REDIC1: variants seen among roughly 807,000 people sequenced by gnomAD.
The protein encoded by REDIC1 is HEI10 Interacting Protein 1.
At chr12:39,782,880 A>G in the REDIC1 span, among the ~76,000 whole-genome samples, 1 of 151,978 alleles carries the variant, frequency 6.6e-6, no homozygotes, top group South Asian at 2.1e-4. Context: ...TATTATTATT[A>G]TTTTTTATAC....
the REDIC1 span, among the ~76,000 whole-genome samples, chr12:39,803,262 A>G: frequency 6.6e-6 from 1 of 151,884 alleles, no homozygotes; most frequent in Non-Finnish European, 1.5e-5. Context: ...GCTGCACAGG[A>G]TTGCCACAGA....
chr12:39,732,010 C>G, the REDIC1 span, among the ~76,000 whole-genome samples: 1 of 152,196 alleles, frequency 6.6e-6, no homozygotes, highest in Non-Finnish European at 1.5e-5. Flanking sequence ...GGGTCCTGTT[C>G]CAATGATGTC....
chr12:39,713,588 G>T, the REDIC1 span, among the ~76,000 whole-genome samples: 2 of 148,324 alleles, frequency 1.3e-5, no homozygotes, highest in African/African-American at 2.5e-5. Flanking sequence ...GTATACACAT[G>T]TATAGATACG....
chr12:39,713,124 T>C, the REDIC1 span, among the ~76,000 whole-genome samples: 1 of 150,050 alleles, frequency 6.7e-6, no homozygotes, highest in Admixed American at 6.7e-5. Context: ...TGTAGATATG[T>C]GCATATACGT....
chr12:39,716,721 A>G, the REDIC1 span: 3 of 1,450,550 alleles, frequency 2.1e-6, no homozygotes, highest in Non-Finnish European at 2.9e-6. Context: ...TTATTCATAA[A>G]TACCATTATT....
At chr12:39,672,719 C>T in the REDIC1 span, among the ~76,000 whole-genome samples, 2 of 152,108 alleles carry the variant, frequency 1.3e-5, no homozygotes, top group African/African-American at 2.4e-5. Context: ...CTGGGGGGCT[C>T]TGCTGATCCA....
the REDIC1 span, among the ~76,000 whole-genome samples, chr12:39,877,537 T>C: frequency 6.6e-6 from 1 of 152,212 alleles, no homozygotes; most frequent in East Asian, 1.9e-4. Flanking sequence ...TCCACTTAAA[T>C]GTTAGTTCCA....
chr12:39,835,968 T>C, the REDIC1 span, among the ~76,000 whole-genome samples: 1 of 152,086 alleles, frequency 6.6e-6, no homozygotes, highest in African/African-American at 2.4e-5. Flanking sequence ...CCACAAATAT[T>C]TGATTAACAC....
At chr12:39,871,945 T>C in the REDIC1 span, 3 of 1,606,758 alleles carry the variant, frequency 1.9e-6, no homozygotes, top group Non-Finnish European at 2.5e-6. Context: ...ATCTGCAGAA[T>C]GGTTGCACTG....
chr12:39,628,820 C>T, the REDIC1 span, among the ~76,000 whole-genome samples: 1,514 of 152,212 alleles, frequency 9.9e-3, 48 homozygotes, highest in Admixed American at 0.045. Context: ...AGTGCTTATT[C>T]ATTTGCTCTT....
chr12:39,641,209 A>G, the REDIC1 span, among the ~76,000 whole-genome samples: 2 of 151,834 alleles, frequency 1.3e-5, no homozygotes, highest in Non-Finnish European at 2.9e-5. Flanking sequence ...TCCAAAATGT[A>G]TCCCAGATCT....
At chr12:39,626,496 G>A in the REDIC1 span, 8 of 1,109,728 alleles carry the variant, frequency 7.2e-6, no homozygotes, top group Non-Finnish European at 1.0e-5. Context: ...TCCAAATCGG[G>A]TTGGAGACTC....
the REDIC1 span, among the ~76,000 whole-genome samples, chr12:39,629,075 G>A: frequency 2.6e-5 from 4 of 152,256 alleles, no homozygotes; most frequent in South Asian, 8.3e-4. Flanking sequence ...GAAACAGGAA[G>A]TTACACTAAG....
chr12:39,898,259 C>T, the REDIC1 span, among the ~76,000 whole-genome samples: 6 of 152,082 alleles, frequency 3.9e-5, no homozygotes, highest in East Asian at 1.2e-3. Flanking sequence ...AGAAAAGAAC[C>T]AATGAAAAGA....
At chr12:39,804,757 T>C in the REDIC1 span, among the ~76,000 whole-genome samples, 1 of 152,116 alleles carries the variant, frequency 6.6e-6, no homozygotes, top group Non-Finnish European at 1.5e-5. Flanking sequence ...GGAGCTTACA[T>C]TCTAGAAAAT....
chr12:39,724,666 T>A, the REDIC1 span, among the ~76,000 whole-genome samples: 2 of 152,148 alleles, frequency 1.3e-5, no homozygotes, highest in Non-Finnish European at 2.9e-5. Context: ...TTAACATTGC[T>A]AATTTTTGTA....
the REDIC1 span, among the ~76,000 whole-genome samples, chr12:39,708,490 G>C: frequency 8.6e-5 from 13 of 151,666 alleles, no homozygotes; most frequent in Admixed American, 7.9e-4. Context: ...AGACTCTCCA[G>C]ACTCTTCACA....
chr12:39,704,762 G>A, the REDIC1 span, among the ~76,000 whole-genome samples: 9 of 152,330 alleles, frequency 5.9e-5, no homozygotes, highest in African/African-American at 1.9e-4. Context: ...ATGAGTTCAT[G>A]GCCTTTGTAG....
the REDIC1 span, among the ~76,000 whole-genome samples, chr12:39,798,257 A>G: frequency 2.0e-5 from 3 of 152,320 alleles, no homozygotes; most frequent in Middle Eastern, 3.4e-3. Context: ...GAGGACTGCA[A>G]TCTCATGAGA....
Sources: allele counts gnomAD v4.1 joint callset (sites outside exome capture counted in the v4.1 genomes callset), GRCh38; gene constraint gnomAD v4.1.1; transcripts MANE v1.5; gene names NCBI Gene and HGNC (gene_info 2026-07-23, HGNC 2026-07-21).